The following POP4 variants were observed in gnomAD, a reference collection of about 807,000 sequenced individuals.
POP4 encodes the protein POP4 ribonuclease P/MRP subunit.
POP4 carries 31 observed loss-of-function variants against 29.9 expected under a neutral mutation model. The observed-to-expected ratio is 1.04, with a 90% CI of 0.78 to 1.40. The LOEUF (loss-of-function observed/expected upper bound fraction) is 1.40. Among genes scored for constraint, POP4 ranks in the 40% most tolerant of loss-of-function variants. POP4 has a pLI of 0.00. For missense variants in POP4, 286 were observed against 282.7 expected, an observed-to-expected ratio of 1.01 and a Z score of -0.08; for synonymous variants, 110 against 108.2, an observed-to-expected ratio of 1.02 and a Z score of -0.10.
intron 6 of POP4, among the ~76,000 whole-genome samples, 162 bp downstream of exon 6, chr19:29,614,134 C>T (rs1185166057): frequency 1.3e-5 from 2 of 152,238 alleles, no homozygotes; most frequent in East Asian, 3.9e-4. Context: ...CCATCCCCTG[C>T]ACCCGTGGCT....
intron 6 of POP4, among the ~76,000 whole-genome samples, chr19:29,615,027 A>T (rs1182304703): frequency 1.3e-5 from 2 of 152,156 alleles, no homozygotes; most frequent in African/African-American, 4.8e-5. Flanking sequence ...GACCCTGAAG[A>T]TTAGGTGCCA....
intron 2 of POP4, chr19:29,608,921 G>T: frequency 1.9e-6 from 1 of 529,804 alleles, no homozygotes. Flanking sequence ...GTCAAGTTTG[G>T]TAAAATGAGG....
At chr19:29,608,573 T>G in intron 1 of POP4, 84 bp from the exon 2 acceptor site, 2 of 1,350,558 alleles carry the variant, frequency 1.5e-6, no homozygotes, top group Non-Finnish European at 2.1e-6. Flanking sequence ...CCTAGTGGCG[T>G]AGTTATTTTC....
At chr19:29,613,759 A>T (rs761662506) in intron 5 of POP4, 112 bp from the exon 6 acceptor site, 20 of 1,482,076 alleles carry the variant, frequency 1.3e-5, no homozygotes, top group Admixed American at 2.6e-5. Context: ...CTGTTCTTTC[A>T]TCTGCTAGCT....
At chr19:29,614,503 A>AT (rs753589513) in intron 6 of POP4, among the ~76,000 whole-genome samples, 2,035 of 83,652 alleles carry the variant, frequency 0.024, 76 homozygotes, top group African/African-American at 0.088. Context: ...TGTTCCTTTA[A>AT]TTTTTCTTTT....
intron 5 of POP4, 133 bp from the exon 6 acceptor site, chr19:29,613,738 C>T: frequency 7.3e-7 from 1 of 1,378,840 alleles, no homozygotes. Context: ...AGCCCCCACC[C>T]CCTGGGTGCT....
At chr19:29,608,884 G>T in intron 2 of POP4, 175 bp downstream of exon 2, 1 of 578,710 alleles carries the variant, frequency 1.7e-6, no homozygotes. Flanking sequence ...GTTCCCACGT[G>T]CCAGCCTCCT....
chr19:29,610,741 C>A, intron 3 of POP4, 109 bp downstream of exon 3: 1 of 1,115,856 alleles, frequency 9.0e-7, no homozygotes, highest in Non-Finnish European at 1.3e-6. Context: ...GCTAAGGGGG[C>A]CTCTCTGTCG....
rs369413330 is a variant in POP4, at chr19:29,606,337, C to T, written c.7+12C>T. Reference sequence around the variant, plus strand: ...TCCGAGAATGAAGAGTAAGCGGGGCCGCGAAGTTGGAGAGGGTTGGGGACG... The same window carrying T: ...TCCGAGAATGAAGAGTAAGCGGGGCTGCGAAGTTGGAGAGGGTTGGGGACG... On this transcript the variant is annotated intron_variant, in intron 1 of 6. Transcript: ENST00000585603. 4 of 1,605,350 alleles carry T rather than the reference C, an allele frequency of 2.5e-6. No homozygotes were observed. Among genetic ancestry groups the T allele is most frequent in the Non-Finnish European group, 2.6e-6 (3 of 1,176,384 alleles).
intron 2 of POP4, 98 bp from the exon 3 acceptor site, chr19:29,610,311 C>A: frequency 8.7e-7 from 1 of 1,153,320 alleles, no homozygotes; most frequent in Admixed American, 2.6e-5. Context: ...GCCCCATTTG[C>A]TCTTGCAGTA....
intron 2 of POP4, 129 bp from the exon 3 acceptor site, chr19:29,610,280 C>T (rs2145556393): frequency 1.3e-6 from 1 of 797,238 alleles, no homozygotes; most frequent in East Asian, 2.7e-5. Flanking sequence ...AGGTTGAGAG[C>T]CTCAGTAGGT....
In POP4 at chr19:29,615,306, G is replaced by T. The variant is rs370479191; in HGVS notation, c.589G>T (p.Gly197Trp). The change falls in exon 7 of 7, where the codon GGG becomes TGG. Residue 197 changes from glycine to tryptophan, a missense_variant. By Grantham distance (184) the Gly-to-Trp change is radical. Coordinates refer to ENST00000585603, the MANE Select transcript of POP4 (RefSeq NM_006627.3). The stretch of plus-strand genomic sequence containing the variant: ...CGATGGCTTTATTTCCTACATTTAC[G>T]GGAGCAAATTCCAGCTTCGGTCAAG... ...ETDGFISYIYGSKFQLRSSER... is the reference protein window; with the variant it reads ...ETDGFISYIYWSKFQLRSSER... 1.2e-6 allele frequency: 2 copies of T among 1,610,976 alleles called. No homozygotes were observed. The highest frequency in any genetic ancestry group is 1.4e-5 in the African/African-American group (1 of 73,784).
Position 29,611,896 on chromosome 19 carries a change from A to C in POP4, c.319A>C (p.Lys107Gln). 6.2e-7 allele frequency: 1 copy of C among 1,614,182 alleles called. No homozygotes were observed. The highest frequency in any genetic ancestry group is 8.5e-7 in the Non-Finnish European group (1 of 1,180,024). The change falls in exon 4 of 7, where the codon AAA becomes CAA. Residue 107 changes from lysine (K) to glutamine (Q), a missense_variant. By Grantham distance (53) the Lys-to-Gln change is moderately conservative. Coordinates refer to ENST00000585603, the MANE Select transcript of POP4 (RefSeq NM_006627.3). ...TTTCCTCCCTCTCCATGAACTCTGG[A>C]AACAGTACATCAGGGACCTGTGCAG... Reference protein sequence around the residue: ...SLFLPLHELWKQYIRDLCSGL... With the variant: ...SLFLPLHELWQQYIRDLCSGL...
Position 29,613,883 on chromosome 19 carries a change from A to C in POP4, c.437A>C (p.Lys146Thr), listed in dbSNP as rs1971100700. The C allele has an allele frequency of 2.5e-6, 4 of 1,612,700 alleles. No individual in the cohort carries two copies. Among genetic ancestry groups the C allele is most frequent in the Admixed American group, 3.4e-5 (2 of 59,654 alleles). ...HGAIISVTKS[K>T]CPSYVGITGI... ...TTTTTCTTTGCAGTGACAAAATCCA[A>C]ATGCCCCTCTTATGTGGGTATTACA... Residue 146 changes from lysine (K) to threonine (T), a missense_variant, in exon 6 of 7, where the codon AAA becomes ACA. Lys to Thr is a moderately conservative substitution (Grantham distance 78). Transcript: ENST00000585603.
At chr19:29,613,514 G>A (rs1971095653) in intron 5 of POP4, among the ~76,000 whole-genome samples, 1 of 152,196 alleles carries the variant, frequency 6.6e-6, no homozygotes, top group South Asian at 2.1e-4. Context: ...TGGTGTTTGT[G>A]CAGATCCTGC....
intron 1 of POP4, among the ~76,000 whole-genome samples, chr19:29,608,381 C>T (rs576067112): frequency 6.6e-5 from 10 of 151,158 alleles, no homozygotes; most frequent in Non-Finnish European, 1.3e-4. Context: ...ATTCTCCTGC[C>T]TCAATCTCCC....
chr19:29,608,075 A>C (rs1971020904), intron 1 of POP4, among the ~76,000 whole-genome samples: 1 of 152,048 alleles, frequency 6.6e-6, no homozygotes, highest in South Asian at 2.1e-4. Flanking sequence ...ACACACGTTA[A>C]ATTTTGAGAA....
At position 29,608,289 on chromosome 19, in the gene POP4, CAG is replaced by C. The variant is rs1472192238; in HGVS notation, c.8-365_8-364del. Among the ~76,000 whole-genome samples the C allele has an allele frequency of 5.1e-4, 48 of 94,616 alleles. 1 individual carries two copies. In the Admixed American group the frequency reaches 6.6e-3, roughly 13 times the overall value. 62.1% of individuals were successfully genotyped at this position (94,616 alleles called of 152,430 possible). A position where few individuals can be genotyped will look rare whatever the true frequency, so the allele number is the denominator to read the frequency against. On this transcript the variant is annotated intron_variant, in intron 1 of 6. Coordinates refer to ENST00000585603, the MANE Select transcript of POP4 (RefSeq NM_006627.3). The stretch of plus-strand genomic sequence containing the variant: ...TTTTTTTTTTTTTTTTTTTTTGAGA[CAG>C]AGTCTCACTCTGTCACCCAGGCTGG...
chr19:29,611,658 C>T (rs771352284), intron 3 of POP4: 38 of 577,676 alleles, frequency 6.6e-5, no homozygotes, highest in Non-Finnish European at 1.1e-4. Flanking sequence ...CTGGTGTGGT[C>T]CTACCAATGA....
Sources: gnomAD v4.1 joint callset for allele counts (sites outside exome capture counted in the v4.1 genomes callset) on GRCh38, gnomAD v4.1.1 for gene constraint, MANE v1.5 for transcripts, NCBI Gene and HGNC (gene_info 2026-07-23, HGNC 2026-07-21) for gene names.